The following FER variants were observed in gnomAD, a reference collection of about 807,000 sequenced individuals.
FER encodes the protein FER tyrosine kinase, also known as tyrosine-protein kinase Fer.
Under a neutral mutation model 111.0 loss-of-function variants are expected in FER, and 63 were observed. That is an observed-to-expected ratio of 0.57 (90% confidence interval 0.46 to 0.70). The LOEUF is 0.70. FER is among the 30% of genes least tolerant of loss of function. The pLI, the probability that FER is intolerant of heterozygous loss-of-function variation, is 0.00. For missense variants in FER, 914 were observed against 954.0 expected, an observed-to-expected ratio of 0.96 and a Z score of 0.55; for synonymous variants, 327 against 313.9, an observed-to-expected ratio of 1.04 and a Z score of -0.44.
intron 12 of FER, among the ~76,000 whole-genome samples, chr5:108,955,897 C>T (rs1758362756): frequency 6.6e-6 from 1 of 151,712 alleles, no homozygotes; most frequent in Non-Finnish European, 1.5e-5. Flanking sequence ...TTTGAGCTGA[C>T]ATTCACATAC....
At chr5:109,121,542 C>A (rs1164439266) in intron 17 of FER, among the ~76,000 whole-genome samples, 1 of 151,910 alleles carries the variant, frequency 6.6e-6, no homozygotes, top group African/African-American at 2.4e-5. Flanking sequence ...GGGATATTGA[C>A]CTGTAGTTTT....
In FER at chr5:109,149,682, G is replaced by T. The variant is rs76704890; in HGVS notation, c.2049-31065G>T. Among the ~76,000 whole-genome samples the T allele has an allele frequency of 2.4e-3, 367 of 152,126 alleles. 1 individual carries two copies. The highest frequency in any genetic ancestry group is 8.4e-3 in the African/African-American group (349 of 41,502). ...GATTACTTTAAAAAGGAGTAATGTAGGTAAGTAGTTTTAGGAGAATATGGA... is the reference window on the plus strand; with the variant it reads ...GATTACTTTAAAAAGGAGTAATGTATGTAAGTAGTTTTAGGAGAATATGGA... On this transcript the variant is annotated intron_variant, in intron 17 of 19. Transcript: ENST00000281092.
In FER at chr5:108,973,437, C is replaced by T. The variant is rs966893889; in HGVS notation, c.1656+14090C>T. Among the ~76,000 whole-genome samples, 27 of 151,562 alleles carry T rather than the reference C, an allele frequency of 1.8e-4. 1 individual carries two copies. The highest frequency in any genetic ancestry group is 3.2e-4 in the Non-Finnish European group (22 of 67,844). Reference sequence around the variant, plus strand: ...ATATCTGCAAGTGATTTTTAAAAAACGAGAAACCTCATTGTATGTATTTAT... The same window carrying T: ...ATATCTGCAAGTGATTTTTAAAAAATGAGAAACCTCATTGTATGTATTTAT... On this transcript the variant is annotated intron_variant, in intron 13 of 19. Coordinates refer to ENST00000281092, the MANE Select transcript of FER (RefSeq NM_005246.4).
chr5:109,046,394 C>T (rs1561821301), intron 15 of FER, among the ~76,000 whole-genome samples: 1 of 151,976 alleles, frequency 6.6e-6, no homozygotes, highest in Admixed American at 6.6e-5. Flanking sequence ...ATTTTTGGCC[C>T]ACTAATACTT....
At chr5:108,813,328 T>A (rs1371934357) in intron 3 of FER, among the ~76,000 whole-genome samples, 1 of 152,182 alleles carries the variant, frequency 6.6e-6, no homozygotes, top group Admixed American at 6.5e-5. Context: ...TTGTTACTGA[T>A]GTTAAGCAAT....
chr5:108,920,333 G>A (rs1450570019), intron 10 of FER, among the ~76,000 whole-genome samples: 3 of 152,144 alleles, frequency 2.0e-5, no homozygotes, highest in South Asian at 2.1e-4. Context: ...ATTTTAAATT[G>A]TTTGCTATAT....
chr5:108,842,945 C>T (rs565813333), intron 5 of FER: 1 of 152,342 alleles, frequency 6.6e-6, no homozygotes, highest in South Asian at 2.1e-4. Flanking sequence ...GATACATGCA[C>T]ATGCATGTTT....
At chr5:108,915,480 C>T (rs1752147448) in intron 10 of FER, among the ~76,000 whole-genome samples, 1 of 152,002 alleles carries the variant, frequency 6.6e-6, no homozygotes, top group Non-Finnish European at 1.5e-5. Flanking sequence ...AAACAAAAAA[C>T]AAATAACTAC....
At chr5:109,078,241 A>G (rs1343604508) in intron 16 of FER, among the ~76,000 whole-genome samples, 2 of 152,224 alleles carry the variant, frequency 1.3e-5, no homozygotes, top group African/African-American at 4.8e-5. Flanking sequence ...GCTCAAGGAT[A>G]CGTCCATGGA....
chr5:109,049,468 G>C (rs529560663), intron 16 of FER, among the ~76,000 whole-genome samples: 28 of 152,164 alleles, frequency 1.8e-4, no homozygotes, highest in African/African-American at 6.7e-4. Context: ...TTTTCACATC[G>C]TCTTTCTATC....
chr5:109,130,598 C>G (rs937601047), intron 17 of FER, among the ~76,000 whole-genome samples: 5 of 151,694 alleles, frequency 3.3e-5, no homozygotes, highest in African/African-American at 9.7e-5. Context: ...TTTTAACATG[C>G]AATTAGTGTG....
intron 13 of FER, among the ~76,000 whole-genome samples, chr5:109,008,622 T>C (rs1765799983): frequency 6.6e-6 from 1 of 152,186 alleles, no homozygotes; most frequent in South Asian, 2.1e-4. Context: ...TTTTCTCTGC[T>C]TTAAAAAAAT....
At chr5:109,000,273 A>G (rs867299476) in intron 13 of FER, among the ~76,000 whole-genome samples, 36 of 151,956 alleles carry the variant, frequency 2.4e-4, no homozygotes, top group Non-Finnish European at 5.0e-4. Flanking sequence ...TTTTAAAATT[A>G]TTTGCCACAT....
chr5:109,102,401 T>C (rs890144580), intron 17 of FER, among the ~76,000 whole-genome samples: 9 of 152,042 alleles, frequency 5.9e-5, no homozygotes, highest in Non-Finnish European at 1.2e-4. Flanking sequence ...GCGCCAACTT[T>C]TAGTGAATGG....
In FER at chr5:108,872,278, G is replaced by A. The variant is rs1764674252; in HGVS notation, c.923+66G>A. The A allele has an allele frequency of 1.2e-5, 16 of 1,389,950 alleles. No homozygotes were observed. In the South Asian group the frequency reaches 2.2e-4, roughly 19 times the overall value. The allele number at this position is 1,389,950 out of a possible 1,614,324, so 86.1% of individuals were successfully genotyped here. A position where few individuals can be genotyped will look rare whatever the true frequency, so the allele number is the denominator to read the frequency against. On this transcript the variant is annotated intron_variant, in intron 8 of 19. Transcript: ENST00000281092. ...TATTATTGCTTTATTGTTGTACTCA[G>A]ATTTAAAATATCAATTATTTTTACA...
chr5:108,893,146 T>C (rs1459238589), intron 9 of FER, among the ~76,000 whole-genome samples: 1 of 152,188 alleles, frequency 6.6e-6, no homozygotes, highest in Non-Finnish European at 1.5e-5. Flanking sequence ...GACTTGGCGA[T>C]GCAGGCTCTT....
chr5:109,055,801 A>AT (rs1355033488), intron 16 of FER, among the ~76,000 whole-genome samples: 1 of 151,120 alleles, frequency 6.6e-6, no homozygotes, highest in Non-Finnish European at 1.5e-5. Flanking sequence ...AAAAAAAAAA[A>AT]AAAAAAATCA....
intron 13 of FER, among the ~76,000 whole-genome samples, chr5:108,979,899 G>C (rs1323274717): frequency 6.6e-6 from 1 of 152,132 alleles, no homozygotes; most frequent in Non-Finnish European, 1.5e-5. Flanking sequence ...TTTGTGAGTT[G>C]TGGAGGTTCT....
At chr5:108,933,901 T>C (rs1755067030) in intron 10 of FER, among the ~76,000 whole-genome samples, 1 of 152,186 alleles carries the variant, frequency 6.6e-6, no homozygotes, top group Admixed American at 6.5e-5. Context: ...TTTGGCTGTT[T>C]GTCTATTATT....
Sources: allele counts gnomAD v4.1 joint callset (sites outside exome capture counted in the v4.1 genomes callset), GRCh38; gene constraint gnomAD v4.1.1; transcripts MANE v1.5; gene names NCBI Gene and HGNC (gene_info 2026-07-23, HGNC 2026-07-21).